The following STK11 variants were observed in gnomAD, a reference collection of about 807,000 sequenced individuals.
STK11 encodes the protein serine/threonine-protein kinase STK11.
In STK11, 8 loss-of-function variants were observed where a neutral mutation model predicts 47.3. The ratio of observed to expected loss-of-function variants is 0.17; its 90% CI spans 0.10 to 0.31. The LOEUF is 0.31. Among genes scored for constraint, STK11 ranks in the 10% least tolerant of loss-of-function variants. The pLI, the probability that STK11 is intolerant of heterozygous loss-of-function variation, is 1.00. For missense variants in STK11, 475 were observed against 605.0 expected (o/e 0.79, Z 2.25); for synonymous variants, 330 against 255.8 (o/e 1.29, Z -2.77).
At position 1,226,524 on chromosome 19, in the gene STK11, C is replaced by A. The variant is rs863224360; in HGVS notation, c.1179C>A (p.Asn393Lys). 6.2e-7 allele frequency: 1 copy of A among 1,609,432 alleles called. No individual in the cohort carries two copies. Among genetic ancestry groups the A allele is most frequent in the Non-Finnish European group, 8.5e-7 (1 of 1,178,586 alleles). ...GCCTCCCCAAGGCCGTGTGTATGAA[C>A]GGCACAGAGGCGGCGCAGCTGAGCA... Reference protein sequence around the residue: ...RRGLPKAVCMNGTEAAQLSTK... With the variant: ...RRGLPKAVCMKGTEAAQLSTK... The change falls in exon 9 of 10, where the codon AAC becomes AAA. Residue 393 changes from asparagine (N) to lysine (K), a missense_variant. Asn to Lys is a moderately conservative substitution (Grantham distance 94, BLOSUM62 0). Around this residue, in one of 5 missense-constraint regions of STK11, gnomAD observed 219 missense variants for 189.2 expected, o/e 1.16. Transcript: ENST00000326873.
At chr19:1,208,601 T>A (rs1388929160) in intron 1 of STK11, among the ~76,000 whole-genome samples, 2 of 112,798 alleles carry the variant, frequency 1.8e-5, no homozygotes, top group Non-Finnish European at 3.5e-5. Context: ...AGTCAACGCG[T>A]GCGGCCTTTT....
Position 1,206,848 on chromosome 19 carries a change from A to T in STK11, c.-66A>T, listed in dbSNP as rs994104244. On this transcript the variant is annotated 5_prime_UTR_variant, in exon 1 of 10. Transcript: ENST00000326873. ...AATTTTGGAGAAGGGAAGTCGGAAC[A>T]CAAGGAAGGACCGCTCACCCGCGGA... The T allele has an allele frequency of 2.7e-6, 4 of 1,486,686 alleles. No individual in the cohort carries two copies. The African/African-American group carries it at 5.7e-5, about 21-fold the overall frequency. 92.1% of individuals were successfully genotyped at this position (1,486,686 alleles called of 1,614,324 possible). A position where few individuals can be genotyped will look rare whatever the true frequency, so the allele number is the denominator to read the frequency against.
intron 8 of STK11, 71 bp from the exon 9 acceptor site, chr19:1,226,383 G>A (rs2145435530): frequency 6.4e-7 from 1 of 1,561,914 alleles, no homozygotes; most frequent in East Asian, 2.4e-5. Context: ...CCGTGGTGGG[G>A]GCCAGCCAGG....
Position 1,228,177 on chromosome 19 carries a change from G to C in STK11, c.*601G>C, listed in dbSNP as rs575695993. On this transcript the variant is annotated 3_prime_UTR_variant, in exon 10 of 10. Coordinates refer to ENST00000326873, the MANE Select transcript of STK11 (RefSeq NM_000455.5). ...GGGCTCACGTCGCGGCCGCCTTTGC[G>C]CTCTCGGGTCACCCTGCTTTGGCGG... The C allele has an allele frequency of 1.9e-6, 2 of 1,050,976 alleles. No homozygotes were observed. Among genetic ancestry groups the C allele is most frequent in the African/African-American group, 3.3e-5 (2 of 60,788 alleles). The allele number at this position is 1,050,976 out of a possible 1,614,324, so 65.1% of individuals were successfully genotyped here. A position where few individuals can be genotyped will look rare whatever the true frequency, so the allele number is the denominator to read the frequency against.
rs142483229 is a variant in STK11 at position 1,223,773 on chromosome 19, G to C, written c.1108+601G>C. The C allele has an allele frequency of 2.7e-5, 28 of 1,038,170 alleles. No homozygotes were observed. The African/African-American group carries it at 4.5e-4, about 17-fold the overall frequency. 64.3% of individuals were successfully genotyped at this position (1,038,170 alleles called of 1,614,324 possible). A position where few individuals can be genotyped will look rare whatever the true frequency, so the allele number is the denominator to read the frequency against. ...CTGAGGAGGAGCTCAGGGCCTTAGC[G>C]TAGGGGCGGCCCACATTGGCAGCCA... On this transcript the variant is annotated intron_variant, in intron 8 of 9. Coordinates refer to ENST00000326873, the MANE Select transcript of STK11 (RefSeq NM_000455.5).
Position 1,221,160 on chromosome 19 carries a change from G to C in STK11, c.735-53G>C, listed in dbSNP as rs549649646. 7 of 1,603,818 alleles carry C rather than the reference G, an allele frequency of 4.4e-6. No individual in the cohort carries two copies. In the African/African-American group the frequency reaches 9.3e-5, roughly 21 times the overall value. ...CCTGGGGTAGAGCTGGGGCTCCTAG[G>C]GCGTCAACCACCTTGACTGACCACG... On this transcript the variant is annotated intron_variant, in intron 5 of 9. Transcript: ENST00000326873.
chr19:1,220,165 G>A lies in STK11; in HGVS notation c.465-208G>A. 6.9e-6 allele frequency: 4 copies of A among 577,636 alleles called. 1 individual carries two copies. The highest frequency in any genetic ancestry group is 3.1e-5 in the East Asian group (1 of 32,750). 35.8% of individuals were successfully genotyped at this position (577,636 alleles called of 1,614,324 possible). On this transcript the variant is annotated intron_variant, in intron 3 of 9. Coordinates refer to ENST00000326873, the MANE Select transcript of STK11 (RefSeq NM_000455.5). ...CCTGTGGACATCCGGGGCCCTGCCA[G>A]ACGTGGCTCGGCCGGACGAGGGTGG...
At chr19:1,214,242 G>T (rs1040032997) in intron 1 of STK11, among the ~76,000 whole-genome samples, 1 of 152,212 alleles carries the variant, frequency 6.6e-6, no homozygotes, top group Non-Finnish European at 1.5e-5. Context: ...CCATCATCCC[G>T]GAGGTGACTG....
chr19:1,212,153 TC>T, intron 1 of STK11, among the ~76,000 whole-genome samples: 1 of 152,024 alleles, frequency 6.6e-6, no homozygotes, highest in South Asian at 2.1e-4. Flanking sequence ...GAATGTTGGT[TC>T]CTCTCTCAGG....
At position 1,207,027 on chromosome 19, in the gene STK11, GCGC is replaced by G. The variant is rs774900889; in HGVS notation, c.118_120del (p.Arg40del). On this transcript the variant is annotated inframe_deletion, in exon 1 of 10. Transcript: ENST00000326873. ...ACTCCACCGAGGTCATCTACCAGCC[GCGC>G]CGCAAGCGGGCCAAGCTCATCGGCA... 1 of 1,613,844 alleles carries G rather than the reference GCGC, an allele frequency of 6.2e-7. No homozygotes were observed. The highest frequency in any genetic ancestry group is 1.1e-5 in the South Asian group (1 of 91,072).
At chr19:1,221,853 C>T (rs1345391624) in intron 6 of STK11, 96 bp from the exon 7 acceptor site, 5 of 1,446,066 alleles carry the variant, frequency 3.5e-6, no homozygotes, top group Admixed American at 2.0e-5. Context: ...CCAGGTATCA[C>T]CCAGGGCCTG....
intron 6 of STK11, 154 bp from the exon 7 acceptor site, chr19:1,221,795 G>T: frequency 1.3e-6 from 1 of 781,338 alleles, no homozygotes; most frequent in Non-Finnish European, 2.1e-6. Context: ...GAGTGGAGTG[G>T]CCTCTGTCAG....
At chr19:1,227,039 C>CAGTGGGT (rs1317280066) in intron 9 of STK11, 8 of 229,170 alleles carry the variant, frequency 3.5e-5, no homozygotes, top group Non-Finnish European at 6.9e-5. Flanking sequence ...TTTTGAGCAC[C>CAGTGGGT]AGTGGGTGGT....
At chr19:1,215,446 C>T (rs1043245670) in intron 1 of STK11, among the ~76,000 whole-genome samples, 10 of 152,202 alleles carry the variant, frequency 6.6e-5, no homozygotes, top group Non-Finnish European at 1.0e-4. Context: ...TCACTGGCTC[C>T]GCTTCTGGGG....
intron 8 of STK11, chr19:1,224,821 G>C (rs1254671687): frequency 3.0e-6 from 3 of 985,454 alleles, no homozygotes; most frequent in Non-Finnish European, 3.6e-6. Context: ...TGAGGCCTCA[G>C]TACTCAGTAC....
In STK11 at chr19:1,206,927, A is replaced by G. The variant is rs1178249537; in HGVS notation, c.14A>G (p.Asp5Gly). 2 of 1,586,262 alleles carry G rather than the reference A, an allele frequency of 1.3e-6. No homozygotes were observed. Among genetic ancestry groups the G allele is most frequent in the Admixed American group, 1.8e-5 (1 of 55,692 alleles). MEVV[D>G]PQQLGMFTEG... ...CCTGGGTCCAGCATGGAGGTGGTGG[A>G]CCCGCAGCAGCTGGGCATGTTCACG... The change falls in exon 1 of 10, where the codon GAC (aspartate) becomes GGC (glycine). Residue 5 changes from aspartate (D) to glycine (G), a missense_variant. Coordinates refer to ENST00000326873, the MANE Select transcript of STK11 (RefSeq NM_000455.5).
chr19:1,220,208 G>A lies in STK11; in HGVS notation c.465-165G>A, dbSNP rs1018094947. Reference sequence around the variant, plus strand: ...GAGGGTGGCCACTGCAGGCGCAGGTGTGGCTCCCTGCTGGACCTAGCCTTT... The same window carrying A: ...GAGGGTGGCCACTGCAGGCGCAGGTATGGCTCCCTGCTGGACCTAGCCTTT... On this transcript the variant is annotated intron_variant, in intron 3 of 9. Coordinates refer to ENST00000326873, the MANE Select transcript of STK11 (RefSeq NM_000455.5). The A allele has an allele frequency of 3.3e-6, 3 of 918,748 alleles. No homozygotes were observed. The South Asian group carries it at 5.7e-5, about 17-fold the overall frequency. 56.9% of individuals were successfully genotyped at this position (918,748 alleles called of 1,614,324 possible).
intron 2 of STK11, 89 bp downstream of exon 2, chr19:1,218,589 G>C (rs966931120): frequency 2.2e-5 from 26 of 1,166,986 alleles, no homozygotes; most frequent in East Asian, 1.9e-4. Context: ...TCCTCTTCCC[G>C]TCTCCTTGAA....
At chr19:1,210,933 C>A (rs1240226126) in intron 1 of STK11, among the ~76,000 whole-genome samples, 2 of 152,028 alleles carry the variant, frequency 1.3e-5, no homozygotes, top group South Asian at 2.1e-4. Context: ...GAGGCCGAGG[C>A]GGTTTGATCA....
Sources: allele counts gnomAD v4.1 joint callset (sites outside exome capture counted in the v4.1 genomes callset), GRCh38; gene constraint gnomAD v4.1.1; regional missense constraint gnomAD v4.1.1; transcripts MANE v1.5; gene names NCBI Gene and HGNC (gene_info 2026-07-23, HGNC 2026-07-21).